Variants in UVRAG observed in about 807,000 individuals in gnomAD.
UVRAG encodes the protein UV radiation resistance associated.
In UVRAG, 19 loss-of-function variants were observed where a neutral mutation model predicts 78.0. The ratio of observed to expected loss-of-function variants is 0.24; its 90% CI spans 0.17 to 0.36. The LOEUF (loss-of-function observed/expected upper bound fraction) is 0.36, where lower values mean the gene tolerates loss of function less well. Ranked by LOEUF, UVRAG falls within the 10% of genes least tolerant of loss-of-function variation. The pLI, the probability that UVRAG is intolerant of heterozygous loss-of-function variation, is 1.00. For synonymous variants in UVRAG, 323 were observed against 324.6 expected (o/e 1.00, Z 0.05); for missense variants, 740 against 853.8 (o/e 0.87, Z 1.66).
chr11:76,079,780 T>C (rs903765646), intron 13 of UVRAG, among the ~76,000 whole-genome samples: 14 of 152,224 alleles, frequency 9.2e-5, no homozygotes, highest in African/African-American at 3.4e-4. Flanking sequence ...TTGGGAACTC[T>C]AGCATAAGGA....
chr11:75,965,201 T>TG (rs1259009462), intron 7 of UVRAG, among the ~76,000 whole-genome samples: 1 of 152,258 alleles, frequency 6.6e-6, no homozygotes, highest in African/African-American at 2.4e-5. Flanking sequence ...TTAACAATAG[T>TG]GGGTCCTTCA....
chr11:76,005,362 A>C (rs1003668394), intron 9 of UVRAG, among the ~76,000 whole-genome samples: 2 of 151,984 alleles, frequency 1.3e-5, no homozygotes, highest in East Asian at 3.9e-4. Context: ...AAAGTGCTAG[A>C]CCTATAGAAA....
intron 14 of UVRAG, among the ~76,000 whole-genome samples, chr11:76,125,510 G>A (rs1952368391): frequency 6.7e-6 from 1 of 150,364 alleles, no homozygotes; most frequent in African/African-American, 2.5e-5. Context: ...GCCCCCTCCT[G>A]CGGTTAACAC....
chr11:75,922,222 C>T (rs1313139196), intron 6 of UVRAG, among the ~76,000 whole-genome samples: 6 of 152,024 alleles, frequency 3.9e-5, no homozygotes, highest in Non-Finnish European at 8.8e-5. Context: ...TTTATTCCTT[C>T]AACAAGATTG....
intron 11 of UVRAG, among the ~76,000 whole-genome samples, chr11:76,015,927 C>G (rs932326250): frequency 6.6e-6 from 1 of 152,230 alleles, no homozygotes; most frequent in Non-Finnish European, 1.5e-5. Flanking sequence ...AGTGCACACA[C>G]GTGCACTTGT....
At chr11:76,033,739 A>G (rs1271933000) in intron 12 of UVRAG, among the ~76,000 whole-genome samples, 3 of 152,194 alleles carry the variant, frequency 2.0e-5, no homozygotes, top group Non-Finnish European at 4.4e-5. Context: ...AACATAAGAA[A>G]AATACTCAGC....
chr11:75,978,387 T>C (rs952019079), intron 7 of UVRAG, among the ~76,000 whole-genome samples: 2 of 152,224 alleles, frequency 1.3e-5, no homozygotes, highest in African/African-American at 2.4e-5. Flanking sequence ...TGGTGTTCTC[T>C]GTATTTCCTG....
intron 2 of UVRAG, among the ~76,000 whole-genome samples, chr11:75,853,973 A>G (rs996626564): frequency 2.0e-5 from 3 of 151,448 alleles, no homozygotes; most frequent in East Asian, 2.0e-4. Flanking sequence ...GGGTTTCGTC[A>G]TGTTGGCCAG....
At chr11:76,131,022 T>C (rs1047335296) in intron 14 of UVRAG, among the ~76,000 whole-genome samples, 6 of 151,850 alleles carry the variant, frequency 4.0e-5, no homozygotes, top group African/African-American at 1.5e-4. Context: ...CTCCGAGGGG[T>C]CCCCAGGTAT....
chr11:76,006,629 C>G (rs879256545), intron 9 of UVRAG, among the ~76,000 whole-genome samples: 35 of 131,864 alleles, frequency 2.7e-4, no homozygotes, highest in Non-Finnish European at 4.0e-4. Flanking sequence ...CCACTGTACT[C>G]CAGCCTGAGT....
intron 13 of UVRAG, among the ~76,000 whole-genome samples, chr11:76,101,918 A>G (rs776478087): frequency 1.8e-4 from 28 of 152,046 alleles, no homozygotes; most frequent in Non-Finnish European, 2.6e-4. Context: ...TGGGGGGTCT[A>G]TTCTATTCCA....
chr11:76,083,197 C>T (rs1951530415), intron 13 of UVRAG, among the ~76,000 whole-genome samples: 1 of 152,082 alleles, frequency 6.6e-6, no homozygotes, highest in Non-Finnish European at 1.5e-5. Context: ...AATAACCTTT[C>T]AGGTTTTTGT....
intron 10 of UVRAG, 103 bp downstream of exon 10, chr11:76,007,724 T>TATGATTAA: frequency 1.2e-6 from 1 of 847,350 alleles, no homozygotes; most frequent in Non-Finnish European, 1.9e-6. Context: ...CTTAATCATA[T>TATGATTAA]GCTCTGTCAT....
chr11:75,818,896 C>T (rs942071428), intron 1 of UVRAG, among the ~76,000 whole-genome samples: 1 of 152,118 alleles, frequency 6.6e-6, no homozygotes, highest in Admixed American at 6.5e-5. Context: ...GTTTGTCAAC[C>T]TTGGGACTGT....
At chr11:76,060,584 CA>C (rs1951064967) in intron 12 of UVRAG, among the ~76,000 whole-genome samples, 1 of 152,252 alleles carries the variant, frequency 6.6e-6, no homozygotes, top group East Asian at 1.9e-4. Flanking sequence ...GAGCGGGAAC[CA>C]GGGCTGCAGC....
At chr11:75,879,080 T>C (rs1458279583) in intron 3 of UVRAG, among the ~76,000 whole-genome samples, 1 of 152,242 alleles carries the variant, frequency 6.6e-6, no homozygotes, top group Non-Finnish European at 1.5e-5. Flanking sequence ...GTTCTCTTAA[T>C]GAGAAATAAT....
chr11:75,878,144 T>C (rs1332804483), intron 3 of UVRAG, among the ~76,000 whole-genome samples: 13 of 134,906 alleles, frequency 9.6e-5, no homozygotes, highest in African/African-American at 3.7e-4. Context: ...CCTTCTCAGA[T>C]GGGGCGGCTG....
chr11:76,072,677 A>G (rs1400461832), intron 13 of UVRAG, among the ~76,000 whole-genome samples: 1 of 152,260 alleles, frequency 6.6e-6, no homozygotes, highest in South Asian at 2.1e-4. Context: ...TGAATTGGCC[A>G]TCTATATAGG....
chr11:75,945,912 G>C (rs2135150597), intron 6 of UVRAG, among the ~76,000 whole-genome samples: 1 of 151,876 alleles, frequency 6.6e-6, no homozygotes, highest in African/African-American at 2.4e-5. Flanking sequence ...GAAGACTTTT[G>C]CTTCCACTTG....
Sources: gnomAD v4.1 joint callset for allele counts (sites outside exome capture counted in the v4.1 genomes callset) on GRCh38, gnomAD v4.1.1 for gene constraint, MANE v1.5 for transcripts, NCBI Gene and HGNC (gene_info 2026-07-23, HGNC 2026-07-21) for gene names.